LZTFL1: variants seen among roughly 807,000 people sequenced by gnomAD.
LZTFL1 encodes leucine zipper transcription factor like 1, also known as leucine zipper transcription factor-like protein 1.
Under a neutral mutation model 45.9 loss-of-function variants are expected in LZTFL1, and 25 were observed. The ratio of observed to expected loss-of-function variants is 0.54; its 90% confidence interval spans 0.40 to 0.76. The LOEUF is 0.76. LZTFL1 is among the 30% of genes least tolerant of loss of function. The pLI, the probability that LZTFL1 is intolerant of heterozygous loss-of-function variation, is 0.00. For missense variants in LZTFL1, 277 were observed against 331.1 expected, an observed-to-expected ratio of 0.84 and a Z score of 1.27; for synonymous variants, 93 against 117.4, an observed-to-expected ratio of 0.79 and a Z score of 1.35.
At chr3:45,877,209 C>G (rs1396783451) in intron 2 of LZTFL1, among the ~76,000 whole-genome samples, 3 of 151,738 alleles carry the variant, frequency 2.0e-5, no homozygotes, top group Non-Finnish European at 4.4e-5. Flanking sequence ...GTGAGTGCTG[C>G]TTCACCTTTT....
chr3:45,885,715 A>C (rs1014258347), intron 2 of LZTFL1, among the ~76,000 whole-genome samples: 4 of 152,208 alleles, frequency 2.6e-5, no homozygotes, highest in Non-Finnish European at 5.9e-5. Flanking sequence ...GAAACTAGTT[A>C]ACACTTAAAA....
chr3:45,848,602 C>G (rs1462093918), intron 4 of LZTFL1, among the ~76,000 whole-genome samples: 1 of 152,172 alleles, frequency 6.6e-6, no homozygotes. Context: ...GCTCATTGCA[C>G]TAGCAACAAG....
At chr3:45,832,137 C>T (rs759502891) in intron 5 of LZTFL1, among the ~76,000 whole-genome samples, 26 of 152,016 alleles carry the variant, frequency 1.7e-4, no homozygotes, top group Non-Finnish European at 2.6e-4. Flanking sequence ...AGGAGAATGG[C>T]GTGAACCCGG....
At chr3:45,893,467 C>T (rs1362023708) in intron 2 of LZTFL1, among the ~76,000 whole-genome samples, 1 of 152,158 alleles carries the variant, frequency 6.6e-6, no homozygotes, top group Non-Finnish European at 1.5e-5. Context: ...CTCCCCTTCT[C>T]TCTCTCTCTA....
At chr3:45,832,909 G>T in intron 5 of LZTFL1, 141 bp downstream of exon 5, 1 of 623,032 alleles carries the variant, frequency 1.6e-6, no homozygotes, top group East Asian at 2.8e-5. Context: ...TCTGGCCCAT[G>T]GGGTACCATC....
At chr3:45,826,422 T>G in intron 9 of LZTFL1, 90 bp from the exon 10 acceptor site, 1 of 1,024,844 alleles carries the variant, frequency 9.8e-7, no homozygotes, top group Non-Finnish European at 1.5e-6. Flanking sequence ...GCACTATATT[T>G]CTCACTTCAA....
At chr3:45,888,233 CAT>C (rs1389922213) in intron 2 of LZTFL1, among the ~76,000 whole-genome samples, 1 of 152,188 alleles carries the variant, frequency 6.6e-6, no homozygotes, top group Non-Finnish European at 1.5e-5. Context: ...TGCCTTAGTG[CAT>C]ATGTTTTCCC....
intron 1 of LZTFL1, among the ~76,000 whole-genome samples, chr3:45,839,641 G>C (rs752106035): frequency 4.6e-5 from 7 of 152,128 alleles, no homozygotes; most frequent in Non-Finnish European, 7.3e-5. Context: ...GTGGTATGAT[G>C]GTAAATATTT....
Position 45,906,615 on chromosome 3 carries a change from C to T in LZTFL1, c.-215+6505G>A, listed in dbSNP as rs950876883. 8.5e-5 allele frequency among the ~76,000 whole-genome samples: 13 copies of T among 152,350 alleles called. No individual in the cohort carries two copies. In the East Asian group the frequency reaches 2.1e-3, roughly 25 times the overall value. Reference sequence around the variant, plus strand: ...CAGCCAAGGCCCTGCTGACTCCCTTCTTCAAAAGTGCACCATGAAGGTGTG... The same window carrying T: ...CAGCCAAGGCCCTGCTGACTCCCTTTTTCAAAAGTGCACCATGAAGGTGTG... On this transcript the variant is annotated intron_variant, in intron 2 of 4. Coordinates refer to the LZTFL1 transcript ENST00000472635.
intron 2 of LZTFL1, among the ~76,000 whole-genome samples, chr3:45,893,268 C>T (rs531814618): frequency 4.2e-4 from 64 of 152,210 alleles, no homozygotes; most frequent in Middle Eastern, 3.4e-3. Flanking sequence ...GATCCTCCTG[C>T]CTCAGCCTCC....
intron 4 of LZTFL1, among the ~76,000 whole-genome samples, chr3:45,850,956 C>G (rs1575269167): frequency 6.6e-6 from 1 of 152,262 alleles, no homozygotes; most frequent in Middle Eastern, 3.4e-3. Flanking sequence ...CAGAATGGCT[C>G]CACCCTATCT....
chr3:45,824,630 T>C lies in LZTFL1; in HGVS notation c.*1684A>G. ...AATATAGGTTTCTTATCAACATACC[T>C]TTTTTCCTCACTGGTTTCAAACTGA... On this transcript the variant is annotated 3_prime_UTR_variant, in exon 10 of 10. Coordinates refer to ENST00000296135, the MANE Select transcript of LZTFL1 (RefSeq NM_020347.4). The C allele has an allele frequency of 5.1e-6, 2 of 390,940 alleles. No individual in the cohort carries two copies. The highest frequency in any genetic ancestry group is 9.0e-6 in the Non-Finnish European group (2 of 221,548). 24.2% of individuals were successfully genotyped at this position (390,940 alleles called of 1,614,324 possible). A position where few individuals can be genotyped will look rare whatever the true frequency, so the allele number is the denominator to read the frequency against.
At chr3:45,890,670 G>GA (rs1702150009) in intron 2 of LZTFL1, among the ~76,000 whole-genome samples, 1 of 152,022 alleles carries the variant, frequency 6.6e-6, no homozygotes, top group Non-Finnish European at 1.5e-5. Flanking sequence ...ACTGCCTGGG[G>GA]AAAGTTCTTG....
chr3:45,885,333 A>T (rs1198007203), intron 2 of LZTFL1, among the ~76,000 whole-genome samples: 1 of 152,246 alleles, frequency 6.6e-6, no homozygotes, highest in African/African-American at 2.4e-5. Flanking sequence ...TCACATCAGG[A>T]TTGAAGTCCC....
chr3:45,868,572 TTAA>T (rs1701615395), intron 2 of LZTFL1, among the ~76,000 whole-genome samples: 1 of 152,210 alleles, frequency 6.6e-6, no homozygotes, highest in African/African-American at 2.4e-5. Context: ...ATAGCTTTGT[TTAA>T]ATAATAGCCT....
At chr3:45,903,618 C>T (rs1001615056) in intron 2 of LZTFL1, among the ~76,000 whole-genome samples, 4 of 152,182 alleles carry the variant, frequency 2.6e-5, no homozygotes, top group Admixed American at 6.5e-5. Flanking sequence ...TTTCTCCCTG[C>T]CCACTTCTAA....
intron 2 of LZTFL1, chr3:45,902,370 A>G (rs532262664): frequency 5.8e-6 from 1 of 170,964 alleles, no homozygotes; most frequent in Non-Finnish European, 1.4e-5. Context: ...CCTGCTCTTG[A>G]GCCTGATAAC....
upstream of LZTFL1, among the ~76,000 whole-genome samples, chr3:45,844,431 G>T (rs183779982): frequency 3.2e-4 from 49 of 151,614 alleles, no homozygotes; most frequent in Middle Eastern, 3.4e-3. Context: ...AGTAGAAAGA[G>T]GAAATGAAGA....
chr3:45,893,040 C>G (rs946788462), intron 2 of LZTFL1, among the ~76,000 whole-genome samples: 7 of 152,204 alleles, frequency 4.6e-5, no homozygotes, highest in African/African-American at 1.7e-4. Context: ...CGTACATACA[C>G]CCTTGCGAAG....
Sources: allele counts gnomAD v4.1 joint callset (sites outside exome capture counted in the v4.1 genomes callset), GRCh38; gene constraint gnomAD v4.1.1; transcripts MANE v1.5; gene names NCBI Gene and HGNC (gene_info 2026-07-23, HGNC 2026-07-21).